MMS19: variants seen among roughly 807,000 people sequenced by gnomAD.
MMS19 encodes the protein MMS19 cytosolic iron-sulfur assembly component.
In MMS19, 77 loss-of-function variants were observed where a neutral mutation model predicts 129.8. The observed-to-expected ratio is 0.59, with a 90% CI of 0.49 to 0.72. The LOEUF (loss-of-function observed/expected upper bound fraction) is 0.72, where lower values mean the gene tolerates loss of function less well. Ranked by LOEUF, MMS19 falls within the 30% of genes least tolerant of loss-of-function variation. The probability of loss-of-function intolerance (pLI) is 0.00; values close to 1 mark genes in which losing one functional copy is unlikely to be tolerated. For missense variants in MMS19, 1,168 were observed against 1,266.3 expected (o/e 0.92, Z 1.18); for synonymous variants, 491 against 502.8 (o/e 0.98, Z 0.31).
chr10:97,465,398 G>A (rs1275738377), intron 18 of MMS19, among the ~76,000 whole-genome samples: 1 of 151,830 alleles, frequency 6.6e-6, no homozygotes, highest in Non-Finnish European at 1.5e-5. Flanking sequence ...CCGCCTTGTG[G>A]GTTCAAGAGA....
intron 1 of MMS19, among the ~76,000 whole-genome samples, chr10:97,496,453 A>G (rs1007811151): frequency 1.3e-5 from 2 of 150,648 alleles, no homozygotes; most frequent in Non-Finnish European, 2.9e-5. Context: ...TCGAGGCTAC[A>G]GTGAGCCATG....
intron 1 of MMS19, among the ~76,000 whole-genome samples, chr10:97,488,793 G>C (rs950821922): frequency 1.3e-5 from 2 of 152,158 alleles, no homozygotes; most frequent in Non-Finnish European, 2.9e-5. Context: ...ACTGTACTGT[G>C]AAAGTGCAAA....
intron 8 of MMS19, among the ~76,000 whole-genome samples, chr10:97,474,096 T>C (rs1196304523): frequency 2.1e-5 from 3 of 142,310 alleles, no homozygotes; most frequent in African/African-American, 5.3e-5. Flanking sequence ...GAGGCTGCAG[T>C]GAGCTGTGAT....
chr10:97,493,357 G>A (rs1325989327), intron 1 of MMS19, among the ~76,000 whole-genome samples: 4 of 152,134 alleles, frequency 2.6e-5, no homozygotes, highest in African/African-American at 4.8e-5. Flanking sequence ...CTAGAGGATC[G>A]CTAGAGGTCA....
intron 1 of MMS19, among the ~76,000 whole-genome samples, chr10:97,497,350 TAC>T (rs2039989434): frequency 6.6e-6 from 1 of 152,216 alleles, no homozygotes; most frequent in African/African-American, 2.4e-5. Flanking sequence ...ATTCTTTTCT[TAC>T]ATATTCTAAA....
At chr10:97,487,992 G>A (rs1029823837) in intron 1 of MMS19, among the ~76,000 whole-genome samples, 8 of 152,178 alleles carry the variant, frequency 5.3e-5, no homozygotes, top group Admixed American at 2.6e-4. Context: ...GGGAGGCTGA[G>A]GGACAAGAAT....
chr10:97,460,235 G>A lies in MMS19; in HGVS notation c.2470-3C>T. Reference sequence around the variant, plus strand: ...GGGTCACTCAGGAGGCCCATGAGCTGGAGAAAAAAGAGCCTTTGAGGTACA... The same window carrying A: ...GGGTCACTCAGGAGGCCCATGAGCTAGAGAAAAAAGAGCCTTTGAGGTACA... On this transcript the variant is annotated splice_region_variant and splice_polypyrimidine_tract_variant and intron_variant, in intron 25 of 30. Transcript: ENST00000438925. 6.2e-7 allele frequency: 1 copy of A among 1,605,194 alleles called. No homozygotes were observed.
At chr10:97,467,655 G>T in intron 13 of MMS19, 72 bp from the exon 14 acceptor site, 1 of 1,414,794 alleles carries the variant, frequency 7.1e-7, no homozygotes, top group Non-Finnish European at 9.9e-7. Context: ...TCTGGATATA[G>T]GGAAAATTCT....
chr10:97,469,812 C>T (rs534409193), intron 10 of MMS19, 89 bp from the exon 11 acceptor site: 2 of 1,126,580 alleles, frequency 1.8e-6, no homozygotes, highest in Non-Finnish European at 2.6e-6. Flanking sequence ...CCTGAAGGAG[C>T]CCTGGTCTCA....
rs2031431404 is a variant in MMS19 at position 97,460,365 on chromosome 10, T to C, written c.2470-133A>G. The C allele has an allele frequency of 6.3e-6, 5 of 787,494 alleles. No homozygotes were observed. The East Asian group carries it at 1.3e-4, about 21-fold the overall frequency. The allele number at this position is 787,494 out of a possible 1,614,324, so 48.8% of individuals were successfully genotyped here. A position where few individuals can be genotyped will look rare whatever the true frequency, so the allele number is the denominator to read the frequency against. On this transcript the variant is annotated intron_variant, in intron 25 of 30. Transcript: ENST00000438925. Reference sequence around the variant, plus strand: ...GGGAGGCCAAGGCAGGTGGACTGCTTGAGTCTAGGAGTCTGGGCAACATGG... The same window carrying C: ...GGGAGGCCAAGGCAGGTGGACTGCTCGAGTCTAGGAGTCTGGGCAACATGG...
chr10:97,488,709 A>G (rs896831160), intron 1 of MMS19, among the ~76,000 whole-genome samples: 2 of 152,152 alleles, frequency 1.3e-5, no homozygotes, highest in African/African-American at 4.8e-5. Flanking sequence ...TACAGTTGCT[A>G]TTTTTTCCCC....
chr10:97,474,778 G>C (rs1406187926), intron 8 of MMS19, among the ~76,000 whole-genome samples: 1 of 152,142 alleles, frequency 6.6e-6, no homozygotes, highest in Non-Finnish European at 1.5e-5. Flanking sequence ...ATTTTGCCTA[G>C]ATTATCTCTG....
At chr10:97,467,123 C>A (rs1241540800) in intron 14 of MMS19, among the ~76,000 whole-genome samples, 1 of 152,116 alleles carries the variant, frequency 6.6e-6, no homozygotes, top group Non-Finnish European at 1.5e-5. Context: ...GAATTACAGG[C>A]ATGTGCCAAC....
intron 8 of MMS19, among the ~76,000 whole-genome samples, chr10:97,474,406 A>G (rs571465490): frequency 4.9e-4 from 75 of 152,156 alleles, no homozygotes; most frequent in African/African-American, 1.8e-3. Flanking sequence ...AAAATTAGTC[A>G]GGCATGGTGG....
In MMS19 at chr10:97,466,108, C is replaced by T; in HGVS notation, c.1557G>A (p.Val519=). ...ASGTLAALYP[V]AFSSHLVPKL... is the part of the protein sequence containing the mutation. Reference sequence around the variant, plus strand: ...TGGGTACGAGGTGGCTGCTGAAGGCCACAGGGTAGAGAGCAGCCAGGGTTC... The same window carrying T: ...TGGGTACGAGGTGGCTGCTGAAGGCTACAGGGTAGAGAGCAGCCAGGGTTC... Residue 519 remains valine, a synonymous_variant, in exon 17 of 31, where the codon GTG becomes GTA. Transcript: ENST00000438925. The T allele has an allele frequency of 6.2e-7, 1 of 1,602,660 alleles. No individual in the cohort carries two copies. Among genetic ancestry groups the T allele is most frequent in the Non-Finnish European group, 8.5e-7 (1 of 1,174,304 alleles).
At chr10:97,466,442 C>A in intron 16 of MMS19, 62 bp downstream of exon 16, 1 of 1,334,904 alleles carries the variant, frequency 7.5e-7, no homozygotes, top group Non-Finnish European at 1.1e-6. Context: ...CTAGCTTGAT[C>A]TTTTGCTGCC....
At chr10:97,460,296 A>G (rs2031410620) in intron 25 of MMS19, 64 bp from the exon 26 acceptor site, 4 of 1,495,708 alleles carry the variant, frequency 2.7e-6, no homozygotes, top group Admixed American at 1.9e-5. Context: ...AAAGATAAGG[A>G]TGGGGCCGGG....
chr10:97,462,972 ATGT>A (rs147506495), intron 19 of MMS19: 4 of 331,744 alleles, frequency 1.2e-5, no homozygotes, highest in Admixed American at 9.1e-5. Context: ...AGAAATAGAA[ATGT>A]TGTCCCTGGT....
chr10:97,495,053 T>C (rs768709726), intron 1 of MMS19, among the ~76,000 whole-genome samples: 13 of 152,238 alleles, frequency 8.5e-5, no homozygotes, highest in Non-Finnish European at 1.6e-4. Flanking sequence ...TATGAGATGC[T>C]GTCTGGCTGG....
Sources: allele counts gnomAD v4.1 joint callset (sites outside exome capture counted in the v4.1 genomes callset), GRCh38; gene constraint gnomAD v4.1.1; transcripts MANE v1.5; gene names NCBI Gene and HGNC (gene_info 2026-07-23, HGNC 2026-07-21).